TMEM132C: variants seen among roughly 807,000 people sequenced by gnomAD.
The protein encoded by TMEM132C is transmembrane protein 132C, also known as protein phosphatase 1, regulatory subunit 152.
A neutral mutation model predicts 61.4 loss-of-function variants in TMEM132C; 29 were observed. That is an observed-to-expected ratio of 0.47 (90% CI 0.35 to 0.64). The LOEUF (loss-of-function observed/expected upper bound fraction) is 0.64. Ranked by LOEUF, TMEM132C falls within the 30% of genes least tolerant of loss-of-function variation. The probability of loss-of-function intolerance (pLI) is 0.00; values close to 1 mark genes in which losing one functional copy is unlikely to be tolerated. For missense variants in TMEM132C, 1,408 were observed against 1,476.9 expected (o/e 0.95, Z 0.76); for synonymous variants, 656 against 633.1 (o/e 1.04, Z -0.54).
intron 2 of TMEM132C, among the ~76,000 whole-genome samples, chr12:128,465,606 T>A (rs114578226): frequency 0.017 from 2,633 of 152,300 alleles, 81 homozygotes; most frequent in African/African-American, 0.061. Flanking sequence ...CAATCCATTC[T>A]CCTAGGCACG....
intron 1 of TMEM132C, among the ~76,000 whole-genome samples, chr12:128,315,588 A>G (rs868064067): frequency 1.3e-5 from 2 of 152,244 alleles, no homozygotes; most frequent in Middle Eastern, 6.8e-3. Flanking sequence ...TCGGGAGCCT[A>G]TGGTGGCAGG....
intron 2 of TMEM132C, among the ~76,000 whole-genome samples, chr12:128,498,120 T>C (rs1233583102): frequency 6.6e-6 from 1 of 152,142 alleles, no homozygotes; most frequent in Non-Finnish European, 1.5e-5. Flanking sequence ...TTGGTTTTAT[T>C]TTGATGGAAT....
chr12:128,299,750 C>T (rs865929780), intron 1 of TMEM132C, among the ~76,000 whole-genome samples: 7 of 152,248 alleles, frequency 4.6e-5, no homozygotes, highest in Non-Finnish European at 8.8e-5. Flanking sequence ...TGCCGAGGGT[C>T]TCTAAAGCTG....
At chr12:128,554,081 G>A (rs1363732887) in intron 3 of TMEM132C, among the ~76,000 whole-genome samples, 4 of 152,248 alleles carry the variant, frequency 2.6e-5, no homozygotes, top group Admixed American at 6.5e-5. Context: ...AGGGATGCAC[G>A]TTGCCTTTTG....
At chr12:128,325,967 G>A (rs1023123247) in intron 1 of TMEM132C, among the ~76,000 whole-genome samples, 3 of 152,024 alleles carry the variant, frequency 2.0e-5, no homozygotes, top group Admixed American at 6.6e-5. Context: ...GACATATGTG[G>A]TCCCTCGTTG....
chr12:128,295,587 C>T (rs2672572), intron 1 of TMEM132C, among the ~76,000 whole-genome samples: 1,635 of 150,318 alleles, frequency 0.011, 30 homozygotes, highest in African/African-American at 0.039. Context: ...ATTCCTTACC[C>T]GACTTCTTAG....
chr12:128,609,847 G>A (rs911243220), intron 3 of TMEM132C, among the ~76,000 whole-genome samples: 2 of 152,216 alleles, frequency 1.3e-5, no homozygotes, highest in South Asian at 4.1e-4. Context: ...ACAGGAGAAA[G>A]TTTTGACAGC....
intron 4 of TMEM132C, among the ~76,000 whole-genome samples, chr12:128,651,751 A>G (rs1334592504): frequency 2.6e-5 from 4 of 152,144 alleles, no homozygotes; most frequent in African/African-American, 9.7e-5. Context: ...AGCCATGTGG[A>G]TATCTGGGGC....
chr12:128,295,477 A>T (rs1871376668), intron 1 of TMEM132C, among the ~76,000 whole-genome samples: 1 of 152,148 alleles, frequency 6.6e-6, no homozygotes, highest in African/African-American at 2.4e-5. Context: ...GTGTAGGGTC[A>T]CATGGAAAAT....
At chr12:128,276,662 C>G (rs1870700473) in intron 1 of TMEM132C, among the ~76,000 whole-genome samples, 1 of 152,134 alleles carries the variant, frequency 6.6e-6, no homozygotes, top group Non-Finnish European at 1.5e-5. Flanking sequence ...CCTTCTTGCT[C>G]AATTGGTCCC....
At chr12:128,534,554 A>C (rs529577712) in intron 2 of TMEM132C, among the ~76,000 whole-genome samples, 2 of 152,194 alleles carry the variant, frequency 1.3e-5, no homozygotes, top group Non-Finnish European at 2.9e-5. Flanking sequence ...CCTCCCCTCC[A>C]TGCAGCCTGG....
intron 3 of TMEM132C, among the ~76,000 whole-genome samples, chr12:128,560,186 G>A (rs987087751): frequency 1.3e-5 from 2 of 152,236 alleles, no homozygotes; most frequent in Admixed American, 1.3e-4. Flanking sequence ...GACAGAAGCT[G>A]CAGTAAGCCC....
At chr12:128,402,696 C>T (rs925799638) in intron 1 of TMEM132C, among the ~76,000 whole-genome samples, 1 of 152,158 alleles carries the variant, frequency 6.6e-6, no homozygotes. Context: ...GTGGAGGAAT[C>T]GGCCACGTGG....
At chr12:128,339,490 G>T (rs1300447641) in intron 1 of TMEM132C, among the ~76,000 whole-genome samples, 2 of 152,016 alleles carry the variant, frequency 1.3e-5, no homozygotes, top group Non-Finnish European at 2.9e-5. Context: ...GGTTCAAGCT[G>T]CAAGTCTCCC....
chr12:128,544,776 G>T (rs1410613656), intron 3 of TMEM132C, among the ~76,000 whole-genome samples: 1 of 152,068 alleles, frequency 6.6e-6, no homozygotes, highest in Admixed American at 6.6e-5. Context: ...TACAAATTTG[G>T]GATCATCAAA....
chr12:128,526,855 G>A (rs4882777), intron 2 of TMEM132C, among the ~76,000 whole-genome samples: 144,451 of 152,168 alleles, frequency 0.95, 68,946 homozygotes, highest in East Asian at 1. Flanking sequence ...CTGGATTATC[G>A]TGAATGAGGA....
chr12:128,487,473 C>CGT (rs10608040), intron 2 of TMEM132C, among the ~76,000 whole-genome samples: 4 of 150,034 alleles, frequency 2.7e-5, no homozygotes, highest in East Asian at 2.0e-4. Context: ...AAATTGTGTG[C>CGT]GTGTGTGTGT....
At chr12:128,359,694 C>T (rs1466034320) in intron 1 of TMEM132C, among the ~76,000 whole-genome samples, 1 of 152,176 alleles carries the variant, frequency 6.6e-6, no homozygotes, top group East Asian at 1.9e-4. Flanking sequence ...CCCTTGATGA[C>T]ATACAGCCTC....
At chr12:128,687,037 A>T (rs1954682432) in intron 5 of TMEM132C, among the ~76,000 whole-genome samples, 2 of 151,968 alleles carry the variant, frequency 1.3e-5, no homozygotes, top group South Asian at 4.2e-4. Context: ...TCTTTACTAA[A>T]AAAACAGTAC....
Sources: gnomAD v4.1 joint callset for allele counts (sites outside exome capture counted in the v4.1 genomes callset) on GRCh38, gnomAD v4.1.1 for gene constraint, MANE v1.5 for transcripts, NCBI Gene and HGNC (gene_info 2026-07-23, HGNC 2026-07-21) for gene names.